Variants in ZNF385B observed in about 807,000 individuals in gnomAD.
ZNF385B encodes zinc finger protein 385B, also known as zinc finger protein 533.
A neutral mutation model predicts 39.2 loss-of-function variants in ZNF385B; 23 were observed. The ratio of observed to expected loss-of-function variants is 0.59; its 90% CI spans 0.42 to 0.83. The LOEUF (loss-of-function observed/expected upper bound fraction) is 0.83. Among genes scored for constraint, ZNF385B ranks in the 40% least tolerant of loss-of-function variants. The pLI, the probability that ZNF385B is intolerant of heterozygous loss-of-function variation, is 0.00. For missense variants in ZNF385B, 552 were observed against 598.9 expected (o/e 0.92, Z 0.82); for synonymous variants, 205 against 222.6 (o/e 0.92, Z 0.70).
chr2:179,661,623 A>T lies in ZNF385B; in HGVS notation c.298+107880T>A, dbSNP rs577140164. On this transcript the variant is annotated intron_variant, in intron 3 of 9. Coordinates refer to ENST00000410066, the MANE Select transcript of ZNF385B (RefSeq NM_152520.6). ...AACCATTGCTCTACCTTATTAGGTT[A>T]CCCTAACATCTAGGATGAGGATAAT... Among the ~76,000 whole-genome samples the T allele has an allele frequency of 4.6e-5, 7 of 152,320 alleles. No homozygotes were observed. The East Asian group carries it at 1.3e-3, about 29-fold the overall frequency.
intron 3 of ZNF385B, among the ~76,000 whole-genome samples, chr2:179,717,254 A>T (rs1435332852): frequency 6.6e-6 from 1 of 152,220 alleles, no homozygotes; most frequent in African/African-American, 2.4e-5. Flanking sequence ...GCTTCCATGA[A>T]GGTAACAAAG....
Position 179,462,253 on chromosome 2 carries a change from T to C in ZNF385B, c.716-15483A>G, listed in dbSNP as rs144301039. Reference sequence around the variant, plus strand: ...AAGTTAGCTCACTTTGATAAGGAATTCTGAAATCATTCTCTGCTTTATCTT... The same window carrying C: ...AAGTTAGCTCACTTTGATAAGGAATCCTGAAATCATTCTCTGCTTTATCTT... On this transcript the variant is annotated intron_variant, in intron 6 of 9. Coordinates refer to ENST00000410066, the MANE Select transcript of ZNF385B (RefSeq NM_152520.6). Among the ~76,000 whole-genome samples, 484 of 152,330 alleles carry C rather than the reference T, an allele frequency of 3.2e-3. 4 individuals are homozygous for C. Among genetic ancestry groups the C allele is most frequent in the African/African-American group, 0.011 (466 of 41,582 alleles).
intron 4 of ZNF385B, among the ~76,000 whole-genome samples, chr2:179,531,734 A>G (rs555289725): frequency 6.7e-4 from 102 of 152,312 alleles, no homozygotes; most frequent in Non-Finnish European, 1.2e-3. Flanking sequence ...CCACCCAAGG[A>G]TGTCACAGTG....
chr2:179,735,162 A>G (rs1701660627), intron 3 of ZNF385B, among the ~76,000 whole-genome samples: 2 of 152,132 alleles, frequency 1.3e-5, no homozygotes. Context: ...CAGGATCTAC[A>G]ATGAACTCAA....
At chr2:179,519,131 C>T (rs1399942472) in intron 4 of ZNF385B, among the ~76,000 whole-genome samples, 3 of 152,166 alleles carry the variant, frequency 2.0e-5, no homozygotes, top group Non-Finnish European at 4.4e-5. Flanking sequence ...CAGGCATGTG[C>T]CACACTATGC....
chr2:179,847,775 T>C (rs183158199), intron 1 of ZNF385B, among the ~76,000 whole-genome samples: 17 of 152,302 alleles, frequency 1.1e-4, no homozygotes, highest in Admixed American at 1.1e-3. Context: ...AGTAGCAGAT[T>C]ACCCCTTCTC....
At chr2:179,559,773 TA>T (rs1299800171) in intron 3 of ZNF385B, among the ~76,000 whole-genome samples, 2 of 152,102 alleles carry the variant, frequency 1.3e-5, no homozygotes, top group African/African-American at 4.8e-5. Context: ...GTGTGTGTGG[TA>T]AGAGTACCTA....
At chr2:179,601,574 A>G (rs938598619) in intron 3 of ZNF385B, among the ~76,000 whole-genome samples, 3 of 152,170 alleles carry the variant, frequency 2.0e-5, no homozygotes. Context: ...CTGATATAAA[A>G]ACTAATCTTG....
intron 3 of ZNF385B, among the ~76,000 whole-genome samples, chr2:179,658,864 G>A (rs1268518556): frequency 1.3e-5 from 2 of 151,928 alleles, no homozygotes; most frequent in East Asian, 1.9e-4. Context: ...CGCAACTTTC[G>A]CCTCCCCGCT....
intron 6 of ZNF385B, among the ~76,000 whole-genome samples, chr2:179,474,415 A>ATGT (rs1449385678): frequency 6.6e-6 from 1 of 152,186 alleles, no homozygotes; most frequent in Non-Finnish European, 1.5e-5. Flanking sequence ...CATAATTAGT[A>ATGT]TGTTACTTAA....
intron 1 of ZNF385B, among the ~76,000 whole-genome samples, chr2:179,826,282 G>T (rs1707679337): frequency 6.6e-6 from 1 of 152,152 alleles, no homozygotes; most frequent in African/African-American, 2.4e-5. Context: ...GACTGATAGT[G>T]CTCTGTTTCT....
intron 3 of ZNF385B, among the ~76,000 whole-genome samples, chr2:179,743,057 T>C (rs1408518382): frequency 6.6e-6 from 1 of 152,054 alleles, no homozygotes; most frequent in African/African-American, 2.4e-5. Context: ...ACGACAAATG[T>C]CACTATTCTA....
rs115593436 is a variant in ZNF385B, at chr2:179,707,006, G to A, written c.298+62497C>T. ...ACCCCAAGATACCTGGGACCCCCAT[G>A]ATGTGCTATCAGTGGGGAGAAAAGA... On this transcript the variant is annotated intron_variant, in intron 3 of 9. Transcript: ENST00000410066. Among the ~76,000 whole-genome samples the A allele has an allele frequency of 3.5e-3, 536 of 152,286 alleles. 8 individuals are homozygous for A. Among genetic ancestry groups the A allele is most frequent in the Non-Finnish European group, 2.7e-3 (184 of 68,022 alleles).
At chr2:179,446,944 C>T (rs2049561928) in intron 6 of ZNF385B, among the ~76,000 whole-genome samples, 174 bp from the exon 7 acceptor site, 1 of 152,132 alleles carries the variant, frequency 6.6e-6, no homozygotes, top group South Asian at 2.1e-4. Context: ...AAACAGAACA[C>T]TATGCCATCA....
intron 3 of ZNF385B, among the ~76,000 whole-genome samples, chr2:179,688,056 A>T (rs906350738): frequency 3.3e-5 from 5 of 152,048 alleles, no homozygotes; most frequent in Admixed American, 6.6e-5. Flanking sequence ...TGGGACTCTG[A>T]CTCTGCCAGC....
chr2:179,785,882 T>A (rs964255390), intron 1 of ZNF385B, among the ~76,000 whole-genome samples: 2 of 152,214 alleles, frequency 1.3e-5, no homozygotes, highest in Non-Finnish European at 2.9e-5. Context: ...GAAAATTGAC[T>A]GCAATTTTGA....
intron 1 of ZNF385B, among the ~76,000 whole-genome samples, chr2:179,840,099 AC>A (rs1708465983): frequency 6.6e-6 from 1 of 152,246 alleles, no homozygotes; most frequent in African/African-American, 2.4e-5. Context: ...GCAGAGATGG[AC>A]CACACACATC....
intron 6 of ZNF385B, among the ~76,000 whole-genome samples, chr2:179,453,843 A>G (rs1239072588): frequency 6.6e-6 from 1 of 152,146 alleles, no homozygotes. Flanking sequence ...GTCAGGGAAC[A>G]AGCCTTATGA....
chr2:179,692,545 A>G (rs972680701), intron 3 of ZNF385B, among the ~76,000 whole-genome samples: 2 of 152,220 alleles, frequency 1.3e-5, no homozygotes, highest in African/African-American at 2.4e-5. Flanking sequence ...TAGATTAATG[A>G]TAAGTGCCCT....
Sources: allele counts gnomAD v4.1 joint callset (sites outside exome capture counted in the v4.1 genomes callset), GRCh38; gene constraint gnomAD v4.1.1; transcripts MANE v1.5; gene names NCBI Gene and HGNC (gene_info 2026-07-23, HGNC 2026-07-21).